Variants in CDH9 observed in about 807,000 individuals in gnomAD.
CDH9 encodes the protein cadherin 9.
A neutral mutation model predicts 70.9 loss-of-function variants in CDH9; 28 were observed. That is an observed-to-expected ratio of 0.40 (90% CI 0.29 to 0.54). The LOEUF is 0.54. Among genes scored for constraint, CDH9 ranks in the 20% least tolerant of loss-of-function variants. The pLI, the probability that CDH9 is intolerant of heterozygous loss-of-function variation, is 0.59. For synonymous variants in CDH9, 409 were observed against 343.1 expected, an observed-to-expected ratio of 1.19 and a Z score of -2.12; for missense variants, 874 against 984.4, an observed-to-expected ratio of 0.89 and a Z score of 1.50.
intron 1 of CDH9, among the ~76,000 whole-genome samples, chr5:26,989,297 C>T (rs1310714359): frequency 1.3e-5 from 2 of 151,748 alleles, no homozygotes; most frequent in Admixed American, 1.3e-4. Flanking sequence ...TTGTATGATA[C>T]TTAATTTAGA....
intron 2 of CDH9, among the ~76,000 whole-genome samples, chr5:26,924,000 A>G (rs2112015517): frequency 6.6e-6 from 1 of 152,164 alleles, no homozygotes; most frequent in African/African-American, 2.4e-5. Context: ...TGAAAAAGCA[A>G]GAGAAAACCA....
At chr5:26,920,330 G>A (rs751660696) in intron 2 of CDH9, among the ~76,000 whole-genome samples, 9 of 151,918 alleles carry the variant, frequency 5.9e-5, no homozygotes, top group Non-Finnish European at 1.2e-4. Context: ...TGGTTTGGAT[G>A]CCAGCTTAGC....
At chr5:26,900,960 AT>A (rs1476624192) in intron 7 of CDH9, among the ~76,000 whole-genome samples, 2 of 152,052 alleles carry the variant, frequency 1.3e-5, no homozygotes, top group Admixed American at 1.3e-4. Flanking sequence ...CTCTTTTCTA[AT>A]AAACCCTCAT....
intron 1 of CDH9, among the ~76,000 whole-genome samples, chr5:27,033,180 T>A (rs1041739734): frequency 6.6e-6 from 1 of 151,426 alleles, no homozygotes; most frequent in South Asian, 2.1e-4. Flanking sequence ...AAATAAAAAA[T>A]TTTCAAATGG....
chr5:26,885,237 G>A (rs1017742906), intron 11 of CDH9, among the ~76,000 whole-genome samples: 1 of 152,114 alleles, frequency 6.6e-6, no homozygotes, highest in Non-Finnish European at 1.5e-5. Flanking sequence ...ATGAGTGACT[G>A]AGTAAATTAT....
At chr5:26,915,295 C>T (rs919614835) in intron 3 of CDH9, among the ~76,000 whole-genome samples, 13 of 151,888 alleles carry the variant, frequency 8.6e-5, no homozygotes, top group Admixed American at 7.9e-4. Flanking sequence ...CAAAATTGTC[C>T]AAAACTGCTG....
intron 2 of CDH9, among the ~76,000 whole-genome samples, chr5:26,930,190 A>C (rs1221478786): frequency 2.0e-5 from 3 of 152,118 alleles, no homozygotes; most frequent in Non-Finnish European, 4.4e-5. Flanking sequence ...AAATTAGGAC[A>C]AATTACTTCC....
chr5:26,990,703 G>C (rs1205847966), intron 1 of CDH9, among the ~76,000 whole-genome samples: 4 of 152,144 alleles, frequency 2.6e-5, no homozygotes, highest in Non-Finnish European at 5.9e-5. Flanking sequence ...AAAATGAACA[G>C]CCAGAGAATC....
At chr5:27,008,417 G>T (rs1209862259) in intron 1 of CDH9, among the ~76,000 whole-genome samples, 1 of 151,758 alleles carries the variant, frequency 6.6e-6, no homozygotes, top group African/African-American at 2.4e-5. Context: ...TTGAACAGGT[G>T]AGGCACTGAT....
chr5:27,015,695 T>C (rs976573586), intron 1 of CDH9, among the ~76,000 whole-genome samples: 3 of 151,732 alleles, frequency 2.0e-5, no homozygotes, highest in African/African-American at 7.2e-5. Flanking sequence ...TTGAAGCATG[T>C]TTCTGCTGCA....
At chr5:27,035,931 T>C (rs34965707) in intron 1 of CDH9, among the ~76,000 whole-genome samples, 508 of 152,014 alleles carry the variant, frequency 3.3e-3, no homozygotes, top group Non-Finnish European at 5.8e-3. Flanking sequence ...GACTGTTTAC[T>C]TTCATAGAGA....
chr5:26,900,777 T>C (rs1231549509), intron 7 of CDH9, among the ~76,000 whole-genome samples: 1 of 151,928 alleles, frequency 6.6e-6, no homozygotes, highest in African/African-American at 2.4e-5. Flanking sequence ...TAAGGAGAAA[T>C]CAAGACACAA....
At chr5:26,967,851 G>C (rs538969163) in intron 2 of CDH9, among the ~76,000 whole-genome samples, 1 of 151,924 alleles carries the variant, frequency 6.6e-6, no homozygotes, top group South Asian at 2.1e-4. Flanking sequence ...CAGATGTCAG[G>C]TGCCACTATG....
chr5:26,974,854 A>G (rs1292471857), intron 2 of CDH9, among the ~76,000 whole-genome samples: 1 of 152,022 alleles, frequency 6.6e-6, no homozygotes, highest in East Asian at 1.9e-4. Flanking sequence ...AGAAAACAAT[A>G]TCTACTCTCT....
intron 2 of CDH9, among the ~76,000 whole-genome samples, chr5:26,943,171 C>A (rs147384644): frequency 1.3e-5 from 2 of 152,050 alleles, no homozygotes; most frequent in Non-Finnish European, 2.9e-5. Flanking sequence ...TCTTTCAACT[C>A]TCCTCATAGA....
intron 1 of CDH9, among the ~76,000 whole-genome samples, chr5:27,036,436 G>A (rs1191208215): frequency 1.3e-5 from 2 of 151,912 alleles, no homozygotes; most frequent in Non-Finnish European, 2.9e-5. Context: ...CACACAGGCA[G>A]TGGTATGAGA....
intron 2 of CDH9, among the ~76,000 whole-genome samples, chr5:26,923,563 TA>T (rs1210800047): frequency 6.6e-6 from 1 of 152,052 alleles, no homozygotes; most frequent in Non-Finnish European, 1.5e-5. Context: ...ATCTGTACTG[TA>T]AACCAAATGG....
chr5:26,985,566 T>C (rs1742475451), intron 2 of CDH9, among the ~76,000 whole-genome samples: 1 of 152,144 alleles, frequency 6.6e-6, no homozygotes, highest in Non-Finnish European at 1.5e-5. Flanking sequence ...AAATATATCT[T>C]CCCAATTTCA....
intron 3 of CDH9, among the ~76,000 whole-genome samples, chr5:26,914,713 A>T: frequency 6.6e-6 from 1 of 152,050 alleles, no homozygotes; most frequent in East Asian, 1.9e-4. Context: ...TTCTCCTTCT[A>T]TAGAAATTAT....
Sources: gnomAD v4.1 joint callset for allele counts (sites outside exome capture counted in the v4.1 genomes callset) on GRCh38, gnomAD v4.1.1 for gene constraint, MANE v1.5 for transcripts, NCBI Gene and HGNC (gene_info 2026-07-23, HGNC 2026-07-21) for gene names.